The following INPP5A variants were observed in gnomAD, a reference collection of about 807,000 sequenced individuals.
The protein encoded by INPP5A is 43 kDa inositol polyphosphate 5-phophatase.
Under a neutral mutation model 65.2 loss-of-function variants are expected in INPP5A, and 14 were observed. The ratio of observed to expected loss-of-function variants is 0.21; its 90% CI spans 0.14 to 0.34. The LOEUF (loss-of-function observed/expected upper bound fraction) is 0.34, where lower values mean the gene tolerates loss of function less well. Among genes scored for constraint, INPP5A ranks in the 10% least tolerant of loss-of-function variants. The pLI is 1.00. For missense variants in INPP5A, 431 were observed against 545.6 expected (o/e 0.79, Z 2.09); for synonymous variants, 207 against 208.3 (o/e 0.99, Z 0.05).
In INPP5A at chr10:132,546,184, G is replaced by T. The variant is rs2070968337; in HGVS notation, c.75+8013G>T. Among the ~76,000 whole-genome samples the T allele has an allele frequency of 6.6e-6, 1 of 152,328 alleles. No homozygotes were observed. Among genetic ancestry groups the T allele is most frequent in the Non-Finnish European group, 1.5e-5 (1 of 68,024 alleles). On this transcript the variant is annotated intron_variant, in intron 1 of 15. Coordinates refer to ENST00000368594, the MANE Select transcript of INPP5A (RefSeq NM_005539.5). This position sits in a 1 kb window ranked among gnomAD's most constrained non-coding sequence, Gnocchi z 5.7. ...CCACCAGTCGTCCTGGGTGGGTTGG[G>T]GCTGGACACCACTTCTGGGGCAGGT... is the stretch of plus-strand genomic sequence containing the variant.
At chr10:132,595,487 G>C (rs1286174468) in intron 1 of INPP5A, among the ~76,000 whole-genome samples, 1 of 152,202 alleles carries the variant, frequency 6.6e-6, no homozygotes, top group Non-Finnish European at 1.5e-5. Flanking sequence ...TTGTTGGTGA[G>C]TGTGTAGCTC....
In INPP5A at chr10:132,634,249, G is replaced by A. The variant is rs1340173078; in HGVS notation, c.118-11619G>A. 3.9e-5 allele frequency among the ~76,000 whole-genome samples: 6 copies of A among 152,060 alleles called. 1 individual carries two copies. Among genetic ancestry groups the A allele is most frequent in the African/African-American group, 2.4e-5 (1 of 41,424 alleles). On this transcript the variant is annotated intron_variant, in intron 2 of 15. Coordinates refer to ENST00000368594, the MANE Select transcript of INPP5A (RefSeq NM_005539.5). ...CTTGGCGGGTGTGCCCCGGAGAGGC[G>A]TGTCATCTCCCTTGGCAGGTGTGCC...
At chr10:132,720,318 G>A (rs1464920199) in intron 8 of INPP5A, among the ~76,000 whole-genome samples, 2 of 146,316 alleles carry the variant, frequency 1.4e-5, no homozygotes, top group African/African-American at 5.1e-5. Context: ...TGTGGTGCCT[G>A]GGTTCTTTCT....
At chr10:132,652,610 GGGA>G (rs1393927345) in intron 4 of INPP5A, among the ~76,000 whole-genome samples, 1 of 152,222 alleles carries the variant, frequency 6.6e-6, no homozygotes, top group Non-Finnish European at 1.5e-5. Flanking sequence ...GCCCTGCCAT[GGGA>G]GCCTCATCTG....
At chr10:132,579,264 G>A (rs1332848798) in intron 1 of INPP5A, among the ~76,000 whole-genome samples, 1 of 152,128 alleles carries the variant, frequency 6.6e-6, no homozygotes, top group Non-Finnish European at 1.5e-5. Context: ...GGGCGGGGTG[G>A]CGAGTGGGGC....
In INPP5A at chr10:132,706,519, G is replaced by A. The variant is rs551867998; in HGVS notation, c.475-1794G>A. ...TCAGAGGATTCACAGTTCGTGTGCCGGGGTGCTTCTTACAGCAGTGGTGGA... is the reference window on the plus strand; with the variant it reads ...TCAGAGGATTCACAGTTCGTGTGCCAGGGTGCTTCTTACAGCAGTGGTGGA... On this transcript the variant is annotated intron_variant, in intron 6 of 15. Coordinates refer to ENST00000368594, the MANE Select transcript of INPP5A (RefSeq NM_005539.5). The surrounding 1 kb of genome is among the most constrained non-coding windows in gnomAD (Gnocchi z 4.7). Among the ~76,000 whole-genome samples the A allele has an allele frequency of 2.0e-4, 30 of 152,348 alleles. No individual in the cohort carries two copies. The South Asian group carries it at 2.3e-3, about 12-fold the overall frequency.
chr10:132,573,928 G>A (rs1283682193), intron 1 of INPP5A, among the ~76,000 whole-genome samples: 1 of 127,390 alleles, frequency 7.8e-6, no homozygotes, highest in Non-Finnish European at 1.6e-5. Flanking sequence ...TGCTGTGTGA[G>A]GTTTTGTTGA....
chr10:132,744,163 G>A (rs1313112253), intron 9 of INPP5A, among the ~76,000 whole-genome samples: 2 of 152,260 alleles, frequency 1.3e-5, no homozygotes, highest in South Asian at 2.1e-4. Flanking sequence ...GGGAGTCGTA[G>A]CCTCAAGGAG....
In INPP5A at chr10:132,650,475, T is replaced by G. The variant is rs767268328; in HGVS notation, c.276T>G (p.Asp92Glu). 1 of 1,613,772 alleles carries G rather than the reference T, an allele frequency of 6.2e-7. No homozygotes were observed. The highest frequency in any genetic ancestry group is 1.1e-5 in the South Asian group (1 of 91,086). The change falls in exon 4 of 16, where the codon GAT (aspartate) becomes GAG (glutamate). Residue 92 changes from aspartate (D) to glutamate (E), a missense_variant. Transcript: ENST00000368594. This position sits in a 1 kb window ranked among gnomAD's most constrained non-coding sequence, Gnocchi z 5.5. ...KEYNRARVYL[D>E]ENYKSQEHFT... ...ATAACAGGGCTCGAGTCTACCTGGA[T>G]GAAAACTACAAATCCCAGGAGCACT...
intron 8 of INPP5A, among the ~76,000 whole-genome samples, chr10:132,719,312 T>C (rs1021765674): frequency 6.7e-6 from 1 of 149,598 alleles, no homozygotes; most frequent in Non-Finnish European, 1.5e-5. Flanking sequence ...TCTGGGCGCC[T>C]TAGGCGGCTG....
Position 132,553,318 on chromosome 10 carries a change from T to C in INPP5A, c.75+15147T>C, listed in dbSNP as rs1455627320. ...TATTGGGTAGGATAGGGAGGGAGGA[T>C]TGGTGAACGCCTTCTCAGAGCCTTG... On this transcript the variant is annotated intron_variant, in intron 1 of 15. Coordinates refer to ENST00000368594, the MANE Select transcript of INPP5A (RefSeq NM_005539.5). 5.9e-3 allele frequency among the ~76,000 whole-genome samples: 690 copies of C among 117,424 alleles called. 4 individuals carry two copies. The highest frequency in any genetic ancestry group is 8.1e-3 in the Non-Finnish European group (454 of 56,134). The allele number at this position is 117,424 out of a possible 152,430, so 77.0% of individuals were successfully genotyped here. A position where few individuals can be genotyped will look rare whatever the true frequency, so the allele number is the denominator to read the frequency against.
intron 2 of INPP5A, among the ~76,000 whole-genome samples, chr10:132,641,013 A>C (rs1590887568): frequency 6.6e-6 from 1 of 151,930 alleles, no homozygotes; most frequent in African/African-American, 2.4e-5. Flanking sequence ...TACTCTGTTC[A>C]CCCCTCTGTC....
chr10:132,774,867 G>GAGAT (rs2134689043), intron 12 of INPP5A, among the ~76,000 whole-genome samples: 2 of 66,968 alleles, frequency 3.0e-5, no homozygotes, highest in Non-Finnish European at 3.2e-5. Context: ...GCAGGGAGGA[G>GAGAT]GGGCAGGGAG....
chr10:132,737,992 C>T (rs1479987712), intron 9 of INPP5A, among the ~76,000 whole-genome samples: 1 of 152,124 alleles, frequency 6.6e-6, no homozygotes, highest in Non-Finnish European at 1.5e-5. Flanking sequence ...CAAGAATCTT[C>T]TCATTTTATA....
chr10:132,642,786 A>C (rs1244018409), intron 2 of INPP5A, among the ~76,000 whole-genome samples: 1 of 152,226 alleles, frequency 6.6e-6, no homozygotes, highest in Admixed American at 6.5e-5. Context: ...CCAACTGTCC[A>C]TGTGGAGGGG....
At position 132,551,408 on chromosome 10, in the gene INPP5A, C is replaced by T. The variant is rs1008640100; in HGVS notation, c.75+13237C>T. 2.0e-5 allele frequency among the ~76,000 whole-genome samples: 3 copies of T among 152,048 alleles called. No homozygotes were observed. The highest frequency in any genetic ancestry group is 7.2e-5 in the African/African-American group (3 of 41,390). ...TGCCTGCAGCGTCCCTCCAGGTGGT[C>T]GGGGGACACCGGGCTTCTGGGTCAG... On this transcript the variant is annotated intron_variant, in intron 1 of 15. Transcript: ENST00000368594. The surrounding 1 kb of genome is among the most constrained non-coding windows in gnomAD (Gnocchi z 5.3).
chr10:132,724,974 C>G (rs1386507596), intron 8 of INPP5A, among the ~76,000 whole-genome samples: 1 of 126,770 alleles, frequency 7.9e-6, no homozygotes, highest in African/African-American at 3.1e-5. Flanking sequence ...CAGGAGCACA[C>G]GCCATATTCA....
rs932373519 is a variant in INPP5A, at chr10:132,741,764, G to A, written c.733-7753G>A. Among the ~76,000 whole-genome samples the A allele has an allele frequency of 1.7e-5, 1 of 59,110 alleles. No homozygotes were observed. Among genetic ancestry groups the A allele is most frequent in the Non-Finnish European group, 4.2e-5 (1 of 23,570 alleles). 38.8% of individuals were successfully genotyped at this position (59,110 alleles called of 152,430 possible). On this transcript the variant is annotated intron_variant, in intron 9 of 15. Coordinates refer to ENST00000368594, the MANE Select transcript of INPP5A (RefSeq NM_005539.5). The surrounding 1 kb of genome is among the most constrained non-coding windows in gnomAD (Gnocchi z 4.4). ...TCAATAGCCGACGTAAACTGAGGTGGACGTCAGTGTCCGCGTCCGCTTGCT... is the reference window on the plus strand; with the variant it reads ...TCAATAGCCGACGTAAACTGAGGTGAACGTCAGTGTCCGCGTCCGCTTGCT...
intron 4 of INPP5A, among the ~76,000 whole-genome samples, chr10:132,653,440 G>A (rs983982984): frequency 2.0e-5 from 3 of 152,094 alleles, no homozygotes; most frequent in Admixed American, 2.0e-4. Flanking sequence ...TCTGCACCTG[G>A]CTGCCGGGCA....
Sources: allele counts gnomAD v4.1 joint callset (sites outside exome capture counted in the v4.1 genomes callset), GRCh38; gene constraint gnomAD v4.1.1; non-coding constraint Gnocchi (gnomAD v3.1); transcripts MANE v1.5; gene names NCBI Gene and HGNC (gene_info 2026-07-23, HGNC 2026-07-21).